The following PRR16 variants were observed in gnomAD, a reference collection of about 807,000 sequenced individuals.
PRR16 encodes proline rich 16.
In PRR16, 6 loss-of-function variants were observed where a neutral mutation model predicts 18.2. That is an observed-to-expected ratio of 0.33 (90% CI 0.18 to 0.65). The LOEUF is 0.65. PRR16 is among the 30% of genes least tolerant of loss of function. The probability of loss-of-function intolerance (pLI) is 0.74; values close to 1 mark genes in which losing one functional copy is unlikely to be tolerated. For synonymous variants in PRR16, 151 were observed against 147.8 expected, an observed-to-expected ratio of 1.02 and a Z score of -0.16; for missense variants, 412 against 376.6, an observed-to-expected ratio of 1.09 and a Z score of -0.78.
At chr5:120,756,699 G>T in the PRR16 span, among the ~76,000 whole-genome samples, 1 of 151,872 alleles carries the variant, frequency 6.6e-6, no homozygotes, top group Non-Finnish European at 1.5e-5. Flanking sequence ...TTAGACCTTT[G>T]TTGGGTTCAT....
intron 1 of PRR16, among the ~76,000 whole-genome samples, chr5:120,617,526 G>T (rs535148904): frequency 8.3e-4 from 127 of 152,112 alleles, no homozygotes; most frequent in African/African-American, 2.7e-3. Context: ...AATATTTGTT[G>T]TTTGTTCAAA....
intron 1 of PRR16, among the ~76,000 whole-genome samples, chr5:120,655,063 G>T (rs1755920462): frequency 6.6e-6 from 1 of 151,594 alleles, no homozygotes; most frequent in Non-Finnish European, 1.5e-5. Context: ...CATAATTATT[G>T]ATCATATATT....
intron 1 of PRR16, among the ~76,000 whole-genome samples, chr5:120,512,987 C>T (rs1180057944): frequency 1.3e-5 from 2 of 152,066 alleles, no homozygotes; most frequent in East Asian, 3.9e-4. Context: ...ATCGGGGTGC[C>T]ACCTTTTTCT....
At chr5:120,547,708 G>A (rs1752117909) in intron 1 of PRR16, among the ~76,000 whole-genome samples, 3 of 151,984 alleles carry the variant, frequency 2.0e-5, no homozygotes, top group Non-Finnish European at 1.5e-5. Context: ...TTACTTATTT[G>A]AAAATACTTA....
At chr5:120,716,474 C>T in the PRR16 span, among the ~76,000 whole-genome samples, 10 of 152,170 alleles carry the variant, frequency 6.6e-5, no homozygotes, top group Admixed American at 1.3e-4. Context: ...CCAGCTGTTT[C>T]AGCAACTGTA....
At chr5:120,692,417 T>C in the PRR16 span, among the ~76,000 whole-genome samples, 2 of 152,184 alleles carry the variant, frequency 1.3e-5, no homozygotes, top group African/African-American at 2.4e-5. Context: ...AACATTCTCA[T>C]TGAGGATCAT....
At chr5:120,466,143 GT>G (rs1331216324) in intron 1 of PRR16, among the ~76,000 whole-genome samples, 1 of 152,180 alleles carries the variant, frequency 6.6e-6, no homozygotes, top group African/African-American at 2.4e-5. Context: ...ACTTGTTCGT[GT>G]TTTCAGGGTT....
At chr5:120,613,458 T>C (rs1754400548) in intron 1 of PRR16, among the ~76,000 whole-genome samples, 1 of 150,582 alleles carries the variant, frequency 6.6e-6, no homozygotes, top group African/African-American at 2.4e-5. Context: ...TACTTAAGCA[T>C]ATTACTAAGA....
At chr5:120,548,966 T>TACACAC (rs138985218) in intron 1 of PRR16, among the ~76,000 whole-genome samples, 10,152 of 150,520 alleles carry the variant, frequency 0.067, 468 homozygotes, top group Non-Finnish European at 0.1. Flanking sequence ...TTCATGCATG[T>TACACAC]ACACACACAC....
chr5:120,565,386 G>T (rs1752706348), intron 1 of PRR16, among the ~76,000 whole-genome samples: 1 of 152,180 alleles, frequency 6.6e-6, no homozygotes, highest in South Asian at 2.1e-4. Context: ...AGTTACACAT[G>T]TCATTGAGAT....
the PRR16 span, chr5:120,710,634 C>T: frequency 6.6e-6 from 1 of 152,086 alleles, no homozygotes; most frequent in African/African-American, 2.4e-5. Context: ...GCTGCTGTAA[C>T]AAGTATGACA....
intron 1 of PRR16, among the ~76,000 whole-genome samples, chr5:120,547,210 C>A (rs1008307893): frequency 2.0e-5 from 3 of 152,078 alleles, no homozygotes; most frequent in Middle Eastern, 3.4e-3. Flanking sequence ...TTAGCATGCT[C>A]AGAACCAGAA....
chr5:120,674,817 T>C (rs905327100), intron 1 of PRR16, among the ~76,000 whole-genome samples: 3 of 151,910 alleles, frequency 2.0e-5, no homozygotes, highest in African/African-American at 7.2e-5. Context: ...TTCTTGTATT[T>C]TTAAAATGTA....
downstream of PRR16, among the ~76,000 whole-genome samples, chr5:120,688,670 C>A (rs919655129): frequency 6.6e-6 from 1 of 152,162 alleles, no homozygotes; most frequent in African/African-American, 2.4e-5. Context: ...TTCTTCAACT[C>A]ATCTTTCCTC....
the PRR16 span, among the ~76,000 whole-genome samples, chr5:120,714,350 A>G: frequency 6.6e-6 from 1 of 152,192 alleles, no homozygotes; most frequent in African/African-American, 2.4e-5. Flanking sequence ...GGAGGTATAG[A>G]AATTTATTGG....
At chr5:120,575,354 C>CACACACACA (rs397698033) in intron 1 of PRR16, among the ~76,000 whole-genome samples, 1 of 150,376 alleles carries the variant, frequency 6.6e-6, no homozygotes, top group African/African-American at 2.4e-5. Flanking sequence ...CACACACACA[C>CACACACACA]GAAAACTACC....
At chr5:120,772,110 C>T in the PRR16 span, among the ~76,000 whole-genome samples, 3 of 152,004 alleles carry the variant, frequency 2.0e-5, no homozygotes, top group Admixed American at 6.6e-5. Context: ...ATAGGAATAT[C>T]ATGTACCTGC....
chr5:120,737,307 GTTTTTTTTTTT>G, the PRR16 span, among the ~76,000 whole-genome samples: 672 of 51,118 alleles, frequency 0.013, 7 homozygotes, highest in African/African-American at 0.033. Flanking sequence ...AGTTTGTTGA[GTTTTTTTTTTT>G]TTTTTTTTTT....
chr5:120,512,050 A>C (rs1419608849), intron 1 of PRR16, among the ~76,000 whole-genome samples: 1 of 132,462 alleles, frequency 7.5e-6, no homozygotes, highest in Non-Finnish European at 1.6e-5. Flanking sequence ...TAGTGTAGTC[A>C]AGGAACCCTG....
Sources: allele counts gnomAD v4.1 joint callset (sites outside exome capture counted in the v4.1 genomes callset), GRCh38; gene constraint gnomAD v4.1.1; transcripts MANE v1.5; gene names NCBI Gene and HGNC (gene_info 2026-07-23, HGNC 2026-07-21).